USP43: variants seen among roughly 807,000 people sequenced by gnomAD.
The protein encoded by USP43 is ubiquitin carboxyl-terminal hydrolase 43.
Under a neutral mutation model 90.7 loss-of-function variants are expected in USP43, and 33 were observed. The observed-to-expected ratio is 0.36, with a 90% confidence interval of 0.28 to 0.49. USP43 has a LOEUF of 0.49. USP43 is among the 20% of genes least tolerant of loss of function. The pLI is 0.98. For missense variants in USP43, 1,274 were observed against 1,476.4 expected, an observed-to-expected ratio of 0.86 and a Z score of 2.25; for synonymous variants, 598 against 615.8, an observed-to-expected ratio of 0.97 and a Z score of 0.43.
Position 9,707,224 on chromosome 17 carries a change from G to A in USP43, c.2012-2732G>A, listed in dbSNP as rs180829842. On this transcript the variant is annotated intron_variant, in intron 12 of 14. Coordinates refer to ENST00000285199, the MANE Select transcript of USP43 (RefSeq NM_153210.5). ...CTGATGTGCGCATCCATTTACGTAC[G>A]CGCACATGTGTGTTTATGTGTACAT... 5.3e-5 allele frequency among the ~76,000 whole-genome samples: 8 copies of A among 152,248 alleles called. No homozygotes were observed. The South Asian group carries it at 8.3e-4, about 16-fold the overall frequency.
chr17:9,680,336 C>T lies in USP43; in HGVS notation c.1075C>T (p.Pro359Ser), dbSNP rs767398314. Residue 359 changes from proline (P) to serine (S), a missense_variant, in exon 6 of 15, where the codon CCT (proline) becomes TCT (serine). Physicochemically the swap from Pro to Ser is moderately conservative, Grantham distance 74 (BLOSUM62 -1). Coordinates refer to ENST00000285199, the MANE Select transcript of USP43 (RefSeq NM_153210.5). ...AGATAATGTGTATGCCTTTCAAGTT[C>T]CTCCCTCACCCAGCCAGGGGACTCT... Reference protein sequence around the residue: ...EGDNVYAFQVPPSPSQGTLSA... With the variant: ...EGDNVYAFQVSPSPSQGTLSA... 3.5e-5 allele frequency: 57 copies of T among 1,613,726 alleles called. No homozygotes were observed. Among genetic ancestry groups the T allele is most frequent in the Non-Finnish European group, 4.2e-5 (49 of 1,179,834 alleles).
At chr17:9,721,182 C>G (rs910655343) in intron 14 of USP43, among the ~76,000 whole-genome samples, 1 of 152,174 alleles carries the variant, frequency 6.6e-6, no homozygotes, top group Admixed American at 6.5e-5. Flanking sequence ...CCAGAGACCC[C>G]TTGGTAATAA....
At chr17:9,702,558 T>G (rs1915634971) in intron 12 of USP43, among the ~76,000 whole-genome samples, 1 of 152,192 alleles carries the variant, frequency 6.6e-6, no homozygotes, top group African/African-American at 2.4e-5. Flanking sequence ...GAGCAGTGGA[T>G]GAAGGGAAGG....
rs757010193 is a variant in USP43 at position 9,645,867 on chromosome 17, C to G, written c.235C>G (p.Arg79Gly). ...PAAPGSPGEE[R>G]PPGPQPQLQL... ...GGCCCCCGGGAGCCCCGGGGAGGAA[C>G]GCCCGCCCGGACCCCAGCCCCAGCT... The change falls in exon 1 of 15, where the codon CGC (arginine) becomes GGC (glycine). Residue 79 changes from arginine to glycine, a missense_variant. Transcript: ENST00000285199. This position sits in a 1 kb window ranked among gnomAD's most constrained non-coding sequence, Gnocchi z 6.8. 1 of 1,423,874 alleles carries G rather than the reference C, an allele frequency of 7.0e-7. No individual in the cohort carries two copies. The highest frequency in any genetic ancestry group is 9.1e-7 in the Non-Finnish European group (1 of 1,095,362). 88.2% of individuals were successfully genotyped at this position (1,423,874 alleles called of 1,614,324 possible).
chr17:9,692,394 G>A (rs1915012501), intron 8 of USP43, among the ~76,000 whole-genome samples: 1 of 152,302 alleles, frequency 6.6e-6, no homozygotes. Context: ...ATCCCAGTGG[G>A]TGTGAAGTGG....
chr17:9,645,592 C>G lies in USP43; in HGVS notation c.-41C>G, dbSNP rs2151957344. ...GCCTGCTGGCCGCTCGTCCGCCTCG[C>G]GCCCGGGGGCTCCGCGCCTGGAGCT... On this transcript the variant is annotated 5_prime_UTR_variant, in exon 1 of 15. Transcript: ENST00000285199. The surrounding 1 kb of genome is among the most constrained non-coding windows in gnomAD (Gnocchi z 6.8). 1 of 1,178,846 alleles carries G rather than the reference C, an allele frequency of 8.5e-7. No individual in the cohort carries two copies. Among genetic ancestry groups the G allele is most frequent in the Non-Finnish European group, 1.0e-6 (1 of 954,498 alleles). The allele number at this position is 1,178,846 out of a possible 1,614,324, so 73.0% of individuals were successfully genotyped here.
At position 9,675,879 on chromosome 17, in the gene USP43, C is replaced by A. The variant is rs1053630225; in HGVS notation, c.834-867C>A. 5.3e-5 allele frequency among the ~76,000 whole-genome samples: 8 copies of A among 152,292 alleles called. No individual in the cohort carries two copies. In the East Asian group the frequency reaches 1.4e-3, roughly 26 times the overall value. On this transcript the variant is annotated intron_variant, in intron 4 of 14. Coordinates refer to ENST00000285199, the MANE Select transcript of USP43 (RefSeq NM_153210.5). ...GATGTGATGATCTAAGACTCCCAGC[C>A]TGACACAGCACAGCAGAGTGGTCAA... is the stretch of plus-strand genomic sequence containing the variant.
chr17:9,724,937 AG>A (rs5819237), intron 14 of USP43, among the ~76,000 whole-genome samples: 45,604 of 151,642 alleles, frequency 0.3, 9,333 homozygotes, highest in African/African-American at 0.57. Flanking sequence ...GGCGGGGGGC[AG>A]GGGGGCACTA....
At chr17:9,659,631 C>T (rs1597819336) in intron 2 of USP43, among the ~76,000 whole-genome samples, 1 of 152,022 alleles carries the variant, frequency 6.6e-6, no homozygotes, top group Non-Finnish European at 1.5e-5. Flanking sequence ...GCAGGTCTTC[C>T]TACTTGTAAG....
At chr17:9,700,324 T>G in intron 10 of USP43, 75 bp downstream of exon 10, 1 of 1,435,330 alleles carries the variant, frequency 7.0e-7, no homozygotes, top group East Asian at 2.5e-5. Context: ...TGGACGCAGC[T>G]TCCCCCAGCA....
intron 6 of USP43, among the ~76,000 whole-genome samples, chr17:9,682,224 T>C (rs1423642218): frequency 5.3e-5 from 8 of 152,218 alleles, no homozygotes; most frequent in African/African-American, 1.9e-4. Context: ...TTGGAGTATT[T>C]TTCAGGTGAC....
intron 12 of USP43, among the ~76,000 whole-genome samples, chr17:9,705,709 A>G (rs2151991582): frequency 6.6e-6 from 1 of 151,532 alleles, no homozygotes; most frequent in African/African-American, 2.4e-5. Context: ...AGCCGAGATC[A>G]CACCACTGCA....
chr17:9,649,003 CTCTT>C (rs1196968033), intron 1 of USP43, among the ~76,000 whole-genome samples: 2 of 151,328 alleles, frequency 1.3e-5, no homozygotes, highest in African/African-American at 2.4e-5. Context: ...CCCTCTCTCT[CTCTT>C]TAAGAGAGAG....
intron 1 of USP43, chr17:9,647,468 T>C (rs1911516500): frequency 6.6e-6 from 1 of 152,220 alleles, no homozygotes; most frequent in African/African-American, 2.4e-5. Context: ...GCCGCAACTT[T>C]CTTCATCTTT....
intron 6 of USP43, among the ~76,000 whole-genome samples, 169 bp downstream of exon 6, chr17:9,680,535 A>C (rs900356593): frequency 3.9e-5 from 6 of 152,100 alleles, no homozygotes; most frequent in Admixed American, 1.3e-4. Context: ...AAAATTATTC[A>C]CCTAACACAA....
intron 2 of USP43, among the ~76,000 whole-genome samples, chr17:9,664,469 G>T (rs1257147420): frequency 6.6e-6 from 1 of 152,058 alleles, no homozygotes; most frequent in East Asian, 1.9e-4. Flanking sequence ...CTGCCTGCCT[G>T]TTCTTCTAAA....
At chr17:9,721,498 C>T (rs1916951881) in intron 14 of USP43, among the ~76,000 whole-genome samples, 1 of 152,132 alleles carries the variant, frequency 6.6e-6, no homozygotes, top group South Asian at 2.1e-4. Context: ...CAAGGTCACA[C>T]ATTAGTCCCT....
chr17:9,679,758 C>T (rs1914039386), intron 5 of USP43, among the ~76,000 whole-genome samples: 1 of 152,054 alleles, frequency 6.6e-6, no homozygotes, highest in South Asian at 2.1e-4. Context: ...TCTTCAGCAT[C>T]AGGGTAACAG....
At chr17:9,662,884 C>T (rs1351541230) in intron 2 of USP43, among the ~76,000 whole-genome samples, 1 of 149,996 alleles carries the variant, frequency 6.7e-6, no homozygotes, top group Non-Finnish European at 1.5e-5. Context: ...GTGGTGCGAT[C>T]TCAGCTCACT....
Sources: gnomAD v4.1 joint callset for allele counts (sites outside exome capture counted in the v4.1 genomes callset) on GRCh38, gnomAD v4.1.1 for gene constraint, Gnocchi (gnomAD v3.1) non-coding constraint, MANE v1.5 for transcripts, NCBI Gene and HGNC (gene_info 2026-07-23, HGNC 2026-07-21) for gene names.